Variants in DOK5 observed in about 807,000 individuals in gnomAD.
The protein encoded by DOK5 is downstream of tyrosine kinase 5.
In DOK5, 27 loss-of-function variants were observed where a neutral mutation model predicts 43.3. The ratio of observed to expected loss-of-function variants is 0.62; its 90% CI spans 0.46 to 0.86. The LOEUF (loss-of-function observed/expected upper bound fraction) is 0.86, where lower values mean the gene tolerates loss of function less well. DOK5 is among the 40% of genes least tolerant of loss of function. The pLI is 0.00. For missense variants in DOK5, 373 were observed against 392.9 expected, an observed-to-expected ratio of 0.95 and a Z score of 0.43; for synonymous variants, 146 against 140.1, an observed-to-expected ratio of 1.04 and a Z score of -0.30.
chr20:54,501,238 C>T (rs1331830027), intron 1 of DOK5, among the ~76,000 whole-genome samples: 6 of 151,672 alleles, frequency 4.0e-5, no homozygotes, highest in East Asian at 2.0e-4. Context: ...GAGGCCAAGG[C>T]GGGTGGATCA....
intron 2 of DOK5, among the ~76,000 whole-genome samples, chr20:54,568,932 A>AAAATAAAT (rs373240230): frequency 2.7e-5 from 4 of 149,834 alleles, no homozygotes; most frequent in African/African-American, 7.5e-5. Flanking sequence ...ACTCTATCTC[A>AAAATAAAT]AAATAAATAA....
At chr20:54,613,782 C>G (rs1986723973) in intron 6 of DOK5, among the ~76,000 whole-genome samples, 2 of 152,094 alleles carry the variant, frequency 1.3e-5, no homozygotes, top group East Asian at 1.9e-4. Flanking sequence ...TCACTTGAGA[C>G]CAGAAGTTTG....
At chr20:54,565,879 G>T (rs889469590) in intron 2 of DOK5, among the ~76,000 whole-genome samples, 3 of 151,900 alleles carry the variant, frequency 2.0e-5, no homozygotes, top group African/African-American at 7.3e-5. Flanking sequence ...TTAGCCGGGC[G>T]TGGTGGTGTG....
At chr20:54,607,403 GGTGTGTGTGT>G (rs10684906) in intron 5 of DOK5, among the ~76,000 whole-genome samples, 25 of 145,628 alleles carry the variant, frequency 1.7e-4, no homozygotes, top group Non-Finnish European at 2.6e-4. Context: ...AGTGGTAAGT[GGTGTGTGTGT>G]GTGTGTGTGT....
intron 1 of DOK5, among the ~76,000 whole-genome samples, chr20:54,500,850 C>T (rs1360575669): frequency 6.6e-6 from 1 of 152,080 alleles, no homozygotes; most frequent in African/African-American, 2.4e-5. Context: ...CGTGAGCCAA[C>T]CGCACCCGGC....
At chr20:54,646,488 A>C (rs545931145) in intron 7 of DOK5, among the ~76,000 whole-genome samples, 1 of 152,160 alleles carries the variant, frequency 6.6e-6, no homozygotes, top group South Asian at 2.1e-4. Flanking sequence ...TCTGAGCTCA[A>C]GTAGTCCTCC....
At chr20:54,597,684 T>TA (rs1174950207) in intron 5 of DOK5, among the ~76,000 whole-genome samples, 1 of 152,204 alleles carries the variant, frequency 6.6e-6, no homozygotes, top group Non-Finnish European at 1.5e-5. Flanking sequence ...GCTCACCTTC[T>TA]ACTGGAGGTT....
intron 1 of DOK5, among the ~76,000 whole-genome samples, chr20:54,538,909 A>G (rs548415863): frequency 1.5e-4 from 23 of 152,358 alleles, no homozygotes; most frequent in African/African-American, 5.5e-4. Flanking sequence ...AATTATGCTA[A>G]ATGAAAAAAG....
chr20:54,597,427 T>C (rs1262872161), intron 5 of DOK5, among the ~76,000 whole-genome samples: 2 of 152,170 alleles, frequency 1.3e-5, no homozygotes, highest in African/African-American at 4.8e-5. Flanking sequence ...AACCCTACTC[T>C]AGCAGGTGTA....
intron 6 of DOK5, among the ~76,000 whole-genome samples, chr20:54,640,403 C>CA (rs758334576): frequency 1.1e-4 from 16 of 152,174 alleles, no homozygotes; most frequent in Non-Finnish European, 2.4e-4. Context: ...TAGAGGGACT[C>CA]AGGGCGTCAC....
intron 6 of DOK5, among the ~76,000 whole-genome samples, chr20:54,635,509 G>A (rs983033664): frequency 4.6e-5 from 7 of 152,112 alleles, no homozygotes; most frequent in African/African-American, 1.4e-4. Flanking sequence ...GTTAATTCCA[G>A]GCCTTTCGAT....
intron 1 of DOK5, among the ~76,000 whole-genome samples, chr20:54,532,282 C>T (rs1210861882): frequency 6.6e-6 from 1 of 152,172 alleles, no homozygotes; most frequent in Non-Finnish European, 1.5e-5. Context: ...ACTGCATGTA[C>T]ATTTTGGAAT....
At chr20:54,545,734 G>A (rs73140117) in intron 1 of DOK5, among the ~76,000 whole-genome samples, 4,689 of 152,306 alleles carry the variant, frequency 0.031, 90 homozygotes, top group Middle Eastern at 0.054. Context: ...CTTGCAGATT[G>A]CTAGGATACA....
chr20:54,538,183 A>C (rs1984021928), intron 1 of DOK5, among the ~76,000 whole-genome samples: 1 of 151,790 alleles, frequency 6.6e-6, no homozygotes, highest in Non-Finnish European at 1.5e-5. Context: ...TATGGTGAGA[A>C]AAAAATTGGT....
chr20:54,562,766 A>C (rs554770692), intron 2 of DOK5, among the ~76,000 whole-genome samples: 1 of 151,712 alleles, frequency 6.6e-6, no homozygotes, highest in South Asian at 2.1e-4. Context: ...AAACATACAG[A>C]AGGTTAAAAA....
intron 2 of DOK5, among the ~76,000 whole-genome samples, chr20:54,571,672 G>A (rs189128680): frequency 1.1e-4 from 17 of 152,216 alleles, no homozygotes; most frequent in Admixed American, 7.2e-4. Flanking sequence ...GAGGACCACT[G>A]GCCTGTGGAA....
At chr20:54,631,465 A>C (rs912231773) in intron 6 of DOK5, among the ~76,000 whole-genome samples, 1 of 151,282 alleles carries the variant, frequency 6.6e-6, no homozygotes, top group Non-Finnish European at 1.5e-5. Flanking sequence ...GAAGGGAGGG[A>C]GAGAAGGAGA....
chr20:54,641,491 G>A (rs5024848), intron 6 of DOK5, among the ~76,000 whole-genome samples: 109,959 of 150,880 alleles, frequency 0.73, 40,410 homozygotes, highest in East Asian at 1. Context: ...TTAAGAGATT[G>A]GAAATTTTTA....
intron 1 of DOK5, among the ~76,000 whole-genome samples, chr20:54,518,090 C>G (rs887296778): frequency 6.6e-5 from 10 of 151,950 alleles, no homozygotes; most frequent in Admixed American, 5.3e-4. Context: ...CTCAGTTGCC[C>G]CCTCTGGTAG....
Sources: allele counts gnomAD v4.1 joint callset (sites outside exome capture counted in the v4.1 genomes callset), GRCh38; gene constraint gnomAD v4.1.1; transcripts MANE v1.5; gene names NCBI Gene and HGNC (gene_info 2026-07-23, HGNC 2026-07-21).